The following ZDHHC21 variants were observed in gnomAD, a reference collection of about 807,000 sequenced individuals.
ZDHHC21 encodes zDHHC palmitoyltransferase 21.
Under a neutral mutation model 34.6 loss-of-function variants are expected in ZDHHC21, and 15 were observed. That is an observed-to-expected ratio of 0.43 (90% CI 0.29 to 0.67). ZDHHC21 has a LOEUF of 0.67. ZDHHC21 is among the 30% of genes least tolerant of loss of function. The pLI, the probability that ZDHHC21 is intolerant of heterozygous loss-of-function variation, is 0.14. For missense variants in ZDHHC21, 344 were observed against 327.7 expected, an observed-to-expected ratio of 1.05 and a Z score of -0.38; for synonymous variants, 142 against 101.8, an observed-to-expected ratio of 1.40 and a Z score of -2.38.
the ZDHHC21 span, among the ~76,000 whole-genome samples, chr9:14,601,169 A>C: frequency 3.3e-5 from 5 of 152,146 alleles, no homozygotes; most frequent in African/African-American, 1.2e-4. Context: ...TCAAACTAAA[A>C]AACTTCTGCA....
the ZDHHC21 span, among the ~76,000 whole-genome samples, chr9:14,590,343 T>C: frequency 6.6e-6 from 1 of 152,058 alleles, no homozygotes; most frequent in Non-Finnish European, 1.5e-5. Context: ...GAGTAAGGAA[T>C]TGGACAAAAT....
intron 8 of ZDHHC21, among the ~76,000 whole-genome samples, chr9:14,623,178 A>G (rs1586901734): frequency 6.6e-6 from 1 of 151,342 alleles, no homozygotes; most frequent in Non-Finnish European, 1.5e-5. Context: ...CAGACAAATG[A>G]GATTACATCA....
At chr9:14,590,569 T>C in the ZDHHC21 span, among the ~76,000 whole-genome samples, 2 of 151,852 alleles carry the variant, frequency 1.3e-5, no homozygotes, top group African/African-American at 4.8e-5. Context: ...AAAATATAAA[T>C]ACCAGAAAAT....
At chr9:14,647,646 C>T (rs1254581744) in intron 7 of ZDHHC21, among the ~76,000 whole-genome samples, 3 of 149,102 alleles carry the variant, frequency 2.0e-5, no homozygotes, top group African/African-American at 7.4e-5. Flanking sequence ...TTATATTCCA[C>T]AGTCCATCAT....
chr9:14,619,673 ATGT>A lies in ZDHHC21; in HGVS notation c.628_630del (p.Thr210del). 2 of 1,396,710 alleles carry A rather than the reference ATGT, an allele frequency of 1.4e-6. No homozygotes were observed. Among genetic ancestry groups the A allele is most frequent in the Non-Finnish European group, 9.9e-7 (1 of 1,013,104 alleles). 86.5% of individuals were successfully genotyped at this position (1,396,710 alleles called of 1,614,324 possible). On this transcript the variant is annotated inframe_deletion, in exon 9 of 10. Coordinates refer to ENST00000380916, the MANE Select transcript of ZDHHC21 (RefSeq NM_178566.6). ...CAACAGTTTGACATCTTTTCAATAG[ATGT>A]TGTATCCTATTAAAAATAAAAAATT...
At chr9:14,610,734 C>T (rs1823188621), downstream of ZDHHC21, among the ~76,000 whole-genome samples, 1 of 151,828 alleles carries the variant, frequency 6.6e-6, no homozygotes, top group African/African-American at 2.4e-5. Flanking sequence ...AATTATTCCC[C>T]TCAAGAAAAA....
At position 14,653,102 on chromosome 9, in the gene ZDHHC21, AAGATAGTTAGGG is replaced by A. The variant is rs369868398; in HGVS notation, c.504+5635_504+5646del. Among the ~76,000 whole-genome samples the A allele has an allele frequency of 4.4e-3, 676 of 152,062 alleles. 8 individuals are homozygous for A. The highest frequency in any genetic ancestry group is 0.015 in the African/African-American group (638 of 41,520). On this transcript the variant is annotated intron_variant, in intron 7 of 9. Transcript: ENST00000380916. ...ATAATAATCATTAATGCAATATCCAAAGATAGTTAGGGACCTTCGGGGATCTTATTCCATATC... is the reference window on the plus strand; with the variant it reads ...ATAATAATCATTAATGCAATATCCAAACCTTCGGGGATCTTATTCCATATC...
At chr9:14,678,700 T>C (rs776716101) in intron 3 of ZDHHC21, among the ~76,000 whole-genome samples, 1 of 152,068 alleles carries the variant, frequency 6.6e-6, no homozygotes, top group African/African-American at 2.4e-5. Context: ...ACTGTATATA[T>C]ACAGACAAGG....
the ZDHHC21 span, among the ~76,000 whole-genome samples, chr9:14,601,269 T>C: frequency 6.6e-6 from 1 of 151,862 alleles, no homozygotes; most frequent in Non-Finnish European, 1.5e-5. Flanking sequence ...AGAGCTAATA[T>C]CCACAATGTA....
intron 8 of ZDHHC21, among the ~76,000 whole-genome samples, chr9:14,623,930 T>C (rs1564203889): frequency 1.3e-5 from 2 of 152,014 alleles, no homozygotes; most frequent in South Asian, 2.1e-4. Context: ...TGTAAATCCA[T>C]GCAGTCATTA....
chr9:14,692,925 C>T (rs989108896), intron 1 of ZDHHC21, among the ~76,000 whole-genome samples: 5 of 152,012 alleles, frequency 3.3e-5, no homozygotes, highest in African/African-American at 9.7e-5. Context: ...AACTAGCCAA[C>T]ATCGTCTCGA....
Position 14,662,246 on chromosome 9 carries a change from A to T in ZDHHC21, c.334T>A (p.Cys112Ser). The T allele has an allele frequency of 1.2e-6, 2 of 1,612,844 alleles. No individual in the cohort carries two copies. Among genetic ancestry groups the T allele is most frequent in the Non-Finnish European group, 8.5e-7 (1 of 1,179,492 alleles). The change falls in exon 6 of 10, where the codon TGT (cysteine) becomes AGT (serine). Residue 112 changes from cysteine to serine, a missense_variant. By Grantham distance (112) the Cys-to-Ser change is moderately radical (BLOSUM62 -1). Transcript: ENST00000380916. ...CAGTGATGATCCATTCTCCTCACAC[A>T]GTGGCCGCAGCGGCTACAGTGATGG... ...RSHHCSRCGH[C>S]VRRMDHHCPW... is the part of the protein sequence containing the mutation.
chr9:14,603,276 T>A, the ZDHHC21 span, among the ~76,000 whole-genome samples: 1 of 152,114 alleles, frequency 6.6e-6, no homozygotes, highest in African/African-American at 2.4e-5. Context: ...AAAAGTATGA[T>A]AGGAAATAAA....
intron 2 of ZDHHC21, 134 bp downstream of exon 2, chr9:14,690,203 T>C (rs1162182086): frequency 3.0e-6 from 1 of 333,962 alleles, no homozygotes; most frequent in Non-Finnish European, 5.7e-6. Flanking sequence ...ACTTACCTTC[T>C]AGTACCCACC....
rs1823774746 is a variant in ZDHHC21 at position 14,614,067 on chromosome 9, G to T, written c.*4899C>A. On this transcript the variant is annotated 3_prime_UTR_variant, in exon 10 of 10. Coordinates refer to ENST00000380916, the MANE Select transcript of ZDHHC21 (RefSeq NM_178566.6). ...CTTCCCATAAAAATGGTATAAATAA[G>T]AGATAAGGCTAAAATGATTACAGCA... The T allele has an allele frequency of 6.6e-6, 1 of 151,634 alleles. No homozygotes were observed. The highest frequency in any genetic ancestry group is 2.4e-5 in the African/African-American group (1 of 41,376). 9.4% of individuals were successfully genotyped at this position (151,634 alleles called of 1,614,324 possible). A position where few individuals can be genotyped will look rare whatever the true frequency, so the allele number is the denominator to read the frequency against.
intron 1 of ZDHHC21, among the ~76,000 whole-genome samples, chr9:14,692,479 T>A (rs1587532336): frequency 1.3e-5 from 2 of 152,170 alleles, no homozygotes; most frequent in East Asian, 3.9e-4. Flanking sequence ...GAGACTGCTA[T>A]ATTGCAATAT....
chr9:14,658,971 A>G (rs1211206539), intron 6 of ZDHHC21, 84 bp from the exon 7 acceptor site: 2 of 1,330,792 alleles, frequency 1.5e-6, no homozygotes, highest in Non-Finnish European at 2.1e-6. Context: ...TTAAAAACAA[A>G]TAATATCACA....
intron 8 of ZDHHC21, 126 bp downstream of exon 8, chr9:14,639,770 T>C (rs1350549785): frequency 3.8e-6 from 2 of 520,418 alleles, no homozygotes; most frequent in Non-Finnish European, 6.6e-6. Context: ...CATAGGCACA[T>C]GAAAGTATTA....
At chr9:14,638,438 C>T (rs761965196) in intron 8 of ZDHHC21, among the ~76,000 whole-genome samples, 1 of 151,932 alleles carries the variant, frequency 6.6e-6, no homozygotes, top group Non-Finnish European at 1.5e-5. Flanking sequence ...AACTGTGAAA[C>T]TACCAGAGGA....
Sources: allele counts gnomAD v4.1 joint callset (sites outside exome capture counted in the v4.1 genomes callset), GRCh38; gene constraint gnomAD v4.1.1; transcripts MANE v1.5; gene names NCBI Gene and HGNC (gene_info 2026-07-23, HGNC 2026-07-21).